The following LPP variants were observed in gnomAD, a reference collection of about 807,000 sequenced individuals.
The protein encoded by LPP is LIM domain containing preferred translocation partner in lipoma.
LPP carries 38 observed loss-of-function variants against 60.4 expected under a neutral mutation model. That is an observed-to-expected ratio of 0.63 (90% CI 0.49 to 0.83). The LOEUF is 0.83. Among genes scored for constraint, LPP ranks in the 40% least tolerant of loss-of-function variants. The pLI, the probability that LPP is intolerant of heterozygous loss-of-function variation, is 0.00. For missense variants in LPP, 902 were observed against 783.6 expected, an observed-to-expected ratio of 1.15 and a Z score of -1.80; for synonymous variants, 328 against 290.8, an observed-to-expected ratio of 1.13 and a Z score of -1.30.
rs1282797874 is a variant in LPP at position 188,849,000 on chromosome 3, C to T, written c.1411-17200C>T. ...AAAAGAAAATAGGTTCCGGGTGTTG[C>T]AGCAAGTAATAATGATTAAACATTG... On this transcript the variant is annotated intron_variant, in intron 9 of 11. Transcript: ENST00000617246. Among the ~76,000 whole-genome samples, 3 of 151,574 alleles carry T rather than the reference C, an allele frequency of 2.0e-5. No individual in the cohort carries two copies. The East Asian group carries it at 5.8e-4, about 29-fold the overall frequency.
chr3:188,639,521 C>A (rs1238278105), intron 7 of LPP, among the ~76,000 whole-genome samples: 2 of 151,544 alleles, frequency 1.3e-5, no homozygotes, highest in Non-Finnish European at 1.5e-5. Context: ...CAAATGGGAT[C>A]TAATTAAACT....
At chr3:188,620,923 G>T (rs757910082) in intron 7 of LPP, among the ~76,000 whole-genome samples, 1 of 152,134 alleles carries the variant, frequency 6.6e-6, no homozygotes, top group African/African-American at 2.4e-5. Context: ...TACATTGCAT[G>T]TATCAGGCAC....
At chr3:188,154,990 T>C (rs1715776883) in intron 1 of LPP, among the ~76,000 whole-genome samples, 1 of 152,192 alleles carries the variant, frequency 6.6e-6, no homozygotes, top group African/African-American at 2.4e-5. Flanking sequence ...TGAAGCCAGC[T>C]AGCGGCTTGG....
intron 8 of LPP, among the ~76,000 whole-genome samples, chr3:188,725,700 A>T (rs939794081): frequency 2.2e-4 from 33 of 152,192 alleles, no homozygotes; most frequent in Non-Finnish European, 4.1e-4. Flanking sequence ...TTTCCATTAA[A>T]CATTAGTCCA....
chr3:188,550,462 C>T (rs1827807873), intron 6 of LPP, among the ~76,000 whole-genome samples: 1 of 151,140 alleles, frequency 6.6e-6, no homozygotes, highest in South Asian at 2.1e-4. Context: ...CCTGTAGTCA[C>T]AGCTGCTGGG....
chr3:188,688,185 C>T (rs185534647), intron 7 of LPP, among the ~76,000 whole-genome samples: 119 of 152,230 alleles, frequency 7.8e-4, no homozygotes, highest in African/African-American at 2.7e-3. Context: ...CTTTAGATGA[C>T]GGAATTTGGC....
chr3:188,275,777 G>A (rs902629904), intron 2 of LPP, among the ~76,000 whole-genome samples: 3 of 152,102 alleles, frequency 2.0e-5, no homozygotes, highest in Non-Finnish European at 4.4e-5. Flanking sequence ...CCAGGTTCAA[G>A]CGATTCTCCT....
chr3:188,195,543 A>G (rs931449552), intron 1 of LPP, among the ~76,000 whole-genome samples: 1 of 152,218 alleles, frequency 6.6e-6, no homozygotes, highest in Admixed American at 6.5e-5. Flanking sequence ...GCCAGCTGCC[A>G]TGTTGAGCCT....
chr3:188,828,877 T>G (rs1756383353), intron 9 of LPP, among the ~76,000 whole-genome samples: 1 of 152,170 alleles, frequency 6.6e-6, no homozygotes, highest in South Asian at 2.1e-4. Context: ...TTTTAGGTAT[T>G]ATGTATGTAA....
intron 6 of LPP, among the ~76,000 whole-genome samples, chr3:188,553,476 A>T (rs1291412302): frequency 1.3e-5 from 2 of 152,166 alleles, no homozygotes; most frequent in Non-Finnish European, 2.9e-5. Context: ...AGCTGGCATT[A>T]CCCATGTGAG....
At chr3:188,320,735 C>A (rs1012487592) in intron 2 of LPP, among the ~76,000 whole-genome samples, 2 of 152,292 alleles carry the variant, frequency 1.3e-5, no homozygotes, top group East Asian at 3.9e-4. Context: ...TCATCTCTTT[C>A]TTTCAGTAGC....
chr3:188,370,999 AAG>A (rs1272254254), intron 3 of LPP, among the ~76,000 whole-genome samples: 1 of 152,144 alleles, frequency 6.6e-6, no homozygotes, highest in Non-Finnish European at 1.5e-5. Context: ...GCTTATGGGA[AAG>A]AGTCACACCC....
chr3:188,658,245 G>A (rs1853794835), intron 7 of LPP, among the ~76,000 whole-genome samples: 1 of 149,844 alleles, frequency 6.7e-6, no homozygotes. Context: ...CCAGGTTCAA[G>A]CAATTCTCCC....
At chr3:188,826,160 T>A (rs967252527) in intron 9 of LPP, among the ~76,000 whole-genome samples, 3 of 152,162 alleles carry the variant, frequency 2.0e-5, no homozygotes, top group Non-Finnish European at 4.4e-5. Flanking sequence ...TTGCAAACAC[T>A]TGTAGACTCT....
rs1560341476 is a variant in LPP at position 188,880,760 on chromosome 3, C to T, written c.*6281C>T. ...GTAGCTTCTAAAATCAGTTCTCTACCCTACGAATGGAATGTTCTACCAAGA... is the reference window on the plus strand; with the variant it reads ...GTAGCTTCTAAAATCAGTTCTCTACTCTACGAATGGAATGTTCTACCAAGA... On this transcript the variant is annotated 3_prime_UTR_variant, in exon 12 of 12. Coordinates refer to ENST00000617246, the MANE Select transcript of LPP (RefSeq NM_001375462.1). 5.5e-6 allele frequency: 1 copy of T among 183,146 alleles called. No homozygotes were observed. The highest frequency in any genetic ancestry group is 1.2e-5 in the Non-Finnish European group (1 of 86,126). The allele number at this position is 183,146 out of a possible 1,614,324, so 11.3% of individuals were successfully genotyped here.
chr3:188,611,015 C>A (rs1202229214), intron 7 of LPP, among the ~76,000 whole-genome samples: 1 of 152,180 alleles, frequency 6.6e-6, no homozygotes, highest in Non-Finnish European at 1.5e-5. Context: ...CAAGACAGAT[C>A]TATTCACATA....
chr3:188,859,122 C>T, intron 9 of LPP, among the ~76,000 whole-genome samples: 1 of 143,518 alleles, frequency 7.0e-6, no homozygotes, highest in Non-Finnish European at 1.5e-5. Context: ...AAAGGATGTT[C>T]ATGTCTGGCA....
intron 9 of LPP, among the ~76,000 whole-genome samples, chr3:188,777,496 T>A (rs1427439321): frequency 6.6e-6 from 1 of 152,104 alleles, no homozygotes; most frequent in Non-Finnish European, 1.5e-5. Context: ...AACAGATAAA[T>A]GGGAATTATT....
At chr3:188,490,897 GGCACCCACCACCACACC>G (rs1808166126) in intron 5 of LPP, among the ~76,000 whole-genome samples, 1 of 151,622 alleles carries the variant, frequency 6.6e-6, no homozygotes, top group Non-Finnish European at 1.5e-5. Context: ...TGGGACCACA[GGCACCCACCACCACACC>G]TGGCTAATTT....
Sources: allele counts gnomAD v4.1 joint callset (sites outside exome capture counted in the v4.1 genomes callset), GRCh38; gene constraint gnomAD v4.1.1; transcripts MANE v1.5; gene names NCBI Gene and HGNC (gene_info 2026-07-23, HGNC 2026-07-21).